The following MACROD2 variants were observed in gnomAD, a reference collection of about 807,000 sequenced individuals.
MACROD2 encodes the protein mono-ADP ribosylhydrolase 2.
Under a neutral mutation model 70.4 loss-of-function variants are expected in MACROD2, and 36 were observed. The observed-to-expected ratio is 0.51, with a 90% confidence interval of 0.39 to 0.68. MACROD2 has a LOEUF of 0.68. Ranked by LOEUF, MACROD2 falls within the 30% of genes least tolerant of loss-of-function variation. MACROD2 has a pLI of 0.00. For missense variants in MACROD2, 496 were observed against 538.4 expected (o/e 0.92, Z 0.78); for synonymous variants, 172 against 178.8 (o/e 0.96, Z 0.30).
chr20:15,044,737 A>G (rs1282478061), intron 5 of MACROD2, among the ~76,000 whole-genome samples: 1 of 152,146 alleles, frequency 6.6e-6, no homozygotes, highest in Non-Finnish European at 1.5e-5. Flanking sequence ...TGCTAACTTC[A>G]GGGAATGTCA....
chr20:16,021,057 G>T (rs1206949354), intron 15 of MACROD2, among the ~76,000 whole-genome samples: 1 of 152,086 alleles, frequency 6.6e-6, no homozygotes, highest in Non-Finnish European at 1.5e-5. Flanking sequence ...CCCTGTTCCT[G>T]TCAATGCTTC....
intron 5 of MACROD2, among the ~76,000 whole-genome samples, chr20:15,135,186 A>G (rs2076137255): frequency 6.6e-6 from 1 of 151,212 alleles, no homozygotes; most frequent in Non-Finnish European, 1.5e-5. Context: ...TCAATAGAAA[A>G]AGAGGGAATC....
intron 6 of MACROD2, among the ~76,000 whole-genome samples, chr20:15,424,904 C>T (rs368679347): frequency 1.3e-5 from 2 of 152,160 alleles, no homozygotes; most frequent in Admixed American, 6.5e-5. Flanking sequence ...TCATTTCTGG[C>T]GGATTGGCTG....
intron 5 of MACROD2, among the ~76,000 whole-genome samples, chr20:14,944,820 G>C (rs2074417467): frequency 6.6e-6 from 1 of 152,040 alleles, no homozygotes; most frequent in Admixed American, 6.6e-5. Context: ...GTCTGGTGTT[G>C]CTCTAGGATG....
chr20:14,920,865 C>T (rs1264790569), intron 5 of MACROD2, among the ~76,000 whole-genome samples: 2 of 152,098 alleles, frequency 1.3e-5, no homozygotes, highest in Non-Finnish European at 2.9e-5. Flanking sequence ...ATTGAGGTTC[C>T]TCCACACATT....
chr20:14,268,209 A>G (rs2082160042), intron 3 of MACROD2, among the ~76,000 whole-genome samples: 1 of 152,038 alleles, frequency 6.6e-6, no homozygotes, highest in Non-Finnish European at 1.5e-5. Flanking sequence ...TCTCCCCTCT[A>G]TACTTTAGCT....
intron 5 of MACROD2, among the ~76,000 whole-genome samples, chr20:15,203,230 A>C (rs528932201): frequency 6.6e-6 from 1 of 152,296 alleles, no homozygotes; most frequent in African/African-American, 2.4e-5. Context: ...AATTTTTAAC[A>C]ACAAAGTAAA....
rs536826297 is a variant in MACROD2, at chr20:15,103,826, G to A, written c.419-126114G>A. Reference sequence around the variant, plus strand: ...CCAGAATTGCATGAAGAAAGCAGCCGTGAGCAGAACTGAATAAAGGGAATC... The same window carrying A: ...CCAGAATTGCATGAAGAAAGCAGCCATGAGCAGAACTGAATAAAGGGAATC... On this transcript the variant is annotated intron_variant, in intron 5 of 17. Transcript: ENST00000684519. Among the ~76,000 whole-genome samples, 91 of 152,234 alleles carry A rather than the reference G, an allele frequency of 6.0e-4. No individual in the cohort carries two copies. The South Asian group carries it at 0.017, about 28-fold the overall frequency.
intron 5 of MACROD2, among the ~76,000 whole-genome samples, chr20:15,018,614 G>C (rs367571301): frequency 2.8e-5 from 3 of 106,598 alleles, no homozygotes; most frequent in Non-Finnish European, 6.1e-5. Context: ...TAGAGAGACA[G>C]AGAGAGAGAG....
chr20:15,040,765 A>G (rs888201416), intron 5 of MACROD2, among the ~76,000 whole-genome samples: 1 of 152,198 alleles, frequency 6.6e-6, no homozygotes, highest in Non-Finnish European at 1.5e-5. Context: ...GCTATGCTCA[A>G]TGTTTTGGGG....
chr20:14,993,473 A>G (rs541499317), intron 5 of MACROD2, among the ~76,000 whole-genome samples: 1 of 152,152 alleles, frequency 6.6e-6, no homozygotes, highest in African/African-American at 2.4e-5. Flanking sequence ...GTGTGTCTTT[A>G]TATGATACTA....
intron 8 of MACROD2, among the ~76,000 whole-genome samples, chr20:15,625,943 T>G (rs1009536133): frequency 3.7e-5 from 5 of 136,884 alleles, no homozygotes; most frequent in Non-Finnish European, 7.8e-5. Context: ...TATCTCAAAC[T>G]CTTTTTATGA....
intron 3 of MACROD2, among the ~76,000 whole-genome samples, chr20:14,122,060 A>T (rs988516928): frequency 2.6e-5 from 4 of 152,180 alleles, no homozygotes; most frequent in Admixed American, 2.0e-4. Context: ...CAATAATATT[A>T]CATAGGTCTT....
chr20:14,979,703 A>G (rs762775787), intron 5 of MACROD2, among the ~76,000 whole-genome samples: 1 of 152,150 alleles, frequency 6.6e-6, no homozygotes, highest in East Asian at 1.9e-4. Context: ...TAGTTCAATG[A>G]GTCATTTTGC....
At chr20:15,050,396 A>G (rs1176972350) in intron 5 of MACROD2, among the ~76,000 whole-genome samples, 1 of 152,186 alleles carries the variant, frequency 6.6e-6, no homozygotes, top group Non-Finnish European at 1.5e-5. Flanking sequence ...TTAGTTGTAC[A>G]ACATGCATTT....
At chr20:15,267,743 C>T (rs143009090) in intron 6 of MACROD2, among the ~76,000 whole-genome samples, 2,277 of 152,182 alleles carry the variant, frequency 0.015, 64 homozygotes, top group African/African-American at 0.051. Flanking sequence ...AGAGAACTTC[C>T]GACTGACCTG....
chr20:14,886,149 G>C (rs113058836), intron 5 of MACROD2, among the ~76,000 whole-genome samples: 2 of 152,272 alleles, frequency 1.3e-5, no homozygotes, highest in Admixed American at 6.5e-5. Flanking sequence ...CAAAATCCAG[G>C]TAAGGCCCCA....
At chr20:15,996,223 CATT>C (rs1471070206) in intron 15 of MACROD2, among the ~76,000 whole-genome samples, 1 of 152,110 alleles carries the variant, frequency 6.6e-6, no homozygotes, top group African/African-American at 2.4e-5. Context: ...GGTCATATCT[CATT>C]GTGATTTTGA....
intron 6 of MACROD2, among the ~76,000 whole-genome samples, chr20:15,254,952 T>G (rs1295292345): frequency 7.1e-6 from 1 of 140,102 alleles, no homozygotes; most frequent in Admixed American, 7.4e-5. Flanking sequence ...TTTTTTTTTT[T>G]TTCAGTTAAG....
Sources: allele counts gnomAD v4.1 joint callset (sites outside exome capture counted in the v4.1 genomes callset), GRCh38; gene constraint gnomAD v4.1.1; transcripts MANE v1.5; gene names NCBI Gene and HGNC (gene_info 2026-07-23, HGNC 2026-07-21).